The following ATOSA variants were observed in gnomAD, a reference collection of about 807,000 sequenced individuals.
ATOSA encodes the protein atos homolog A.
At chr15:52,680,939 C>T in the ATOSA span, among the ~76,000 whole-genome samples, 1 of 152,178 alleles carries the variant, frequency 6.6e-6, no homozygotes, top group African/African-American at 2.4e-5. Context: ...AAATTTAGCA[C>T]AACAGCTGGG....
At chr15:52,672,033 G>A in the ATOSA span, among the ~76,000 whole-genome samples, 1 of 151,564 alleles carries the variant, frequency 6.6e-6, no homozygotes, top group South Asian at 2.1e-4. Flanking sequence ...ATTCCATCCT[G>A]TTTTACTTTA....
At chr15:52,670,816 A>G in the ATOSA span, among the ~76,000 whole-genome samples, 1 of 152,166 alleles carries the variant, frequency 6.6e-6, no homozygotes, top group Non-Finnish European at 1.5e-5. Context: ...ATGGCTTACT[A>G]TGTTCTTTGA....
the ATOSA span, chr15:52,587,376 C>T: frequency 6.7e-6 from 4 of 599,046 alleles, no homozygotes; most frequent in Admixed American, 3.4e-5. Context: ...TATGTTTCTA[C>T]CCCTAAGGAA....
chr15:52,682,375 T>C, the ATOSA span, among the ~76,000 whole-genome samples: 7 of 152,084 alleles, frequency 4.6e-5, no homozygotes, highest in Non-Finnish European at 8.8e-5. Context: ...ATGAGGTGGA[T>C]TATTAGGGTA....
At chr15:52,636,343 A>G in the ATOSA span, among the ~76,000 whole-genome samples, 2 of 152,122 alleles carry the variant, frequency 1.3e-5, no homozygotes, top group Non-Finnish European at 2.9e-5. Flanking sequence ...GAGGTTACCA[A>G]GTGCTATGGG....
the ATOSA span, among the ~76,000 whole-genome samples, chr15:52,602,420 ATTCTT>A: frequency 1.1e-4 from 17 of 151,998 alleles, no homozygotes; most frequent in African/African-American, 3.9e-4. Flanking sequence ...GCTCCTGCTG[ATTCTT>A]TTAAGGTGCT....
chr15:52,618,053 T>TG, the ATOSA span, among the ~76,000 whole-genome samples: 1 of 151,272 alleles, frequency 6.6e-6, no homozygotes, highest in Non-Finnish European at 1.5e-5. Flanking sequence ...TTTCCTTTTT[T>TG]TTTGAGATGG....
At chr15:52,661,859 G>A in the ATOSA span, among the ~76,000 whole-genome samples, 7 of 125,792 alleles carry the variant, frequency 5.6e-5, no homozygotes, top group East Asian at 1.6e-3. Context: ...GCCAACTTAA[G>A]AAGGACACAC....
chr15:52,592,482 A>G, the ATOSA span, among the ~76,000 whole-genome samples: 1 of 152,196 alleles, frequency 6.6e-6, no homozygotes, highest in African/African-American at 2.4e-5. Context: ...ATGAATGCTT[A>G]TATTATCCAC....
the ATOSA span, among the ~76,000 whole-genome samples, chr15:52,663,837 G>A: frequency 6.6e-6 from 1 of 151,898 alleles, no homozygotes; most frequent in Admixed American, 6.6e-5. Context: ...TGTCACCCAG[G>A]CTCATCTTGA....
chr15:52,661,948 A>C, the ATOSA span, among the ~76,000 whole-genome samples: 2 of 151,406 alleles, frequency 1.3e-5, no homozygotes, highest in Non-Finnish European at 1.5e-5. Context: ...AAAAAAAAAA[A>C]AAAACAGCAA....
the ATOSA span, among the ~76,000 whole-genome samples, chr15:52,669,796 T>C: frequency 5.5e-3 from 832 of 152,342 alleles, 2 homozygotes; most frequent in Admixed American, 9.0e-3. Context: ...AAAGGTTTCT[T>C]AACCTATAAT....
the ATOSA span, among the ~76,000 whole-genome samples, chr15:52,672,172 C>CAAAAAAAAAAAAAAAAAAAA: frequency 5.4e-4 from 34 of 62,582 alleles, 3 homozygotes; most frequent in African/African-American, 2.3e-3. Context: ...CCCCATTTCT[C>CAAAAAAAAAAAAAAAAAAAA]AAAAAAAAAA....
At chr15:52,612,426 A>G in the ATOSA span, among the ~76,000 whole-genome samples, 4 of 152,106 alleles carry the variant, frequency 2.6e-5, no homozygotes, top group African/African-American at 9.7e-5. Flanking sequence ...ATCATTTCAC[A>G]GGAAAGATTA....
chr15:52,684,299 C>A, the ATOSA span, among the ~76,000 whole-genome samples: 7,593 of 152,206 alleles, frequency 0.05, 310 homozygotes, highest in East Asian at 0.21. Flanking sequence ...CTTTAGGAGG[C>A]CCAGGTGGGA....
chr15:52,638,347 A>G, the ATOSA span, among the ~76,000 whole-genome samples: 12 of 152,178 alleles, frequency 7.9e-5, no homozygotes, highest in Non-Finnish European at 1.3e-4. Context: ...GAAAAAATAC[A>G]TATCCTATTC....
chr15:52,669,981 C>A, the ATOSA span, among the ~76,000 whole-genome samples: 4 of 152,178 alleles, frequency 2.6e-5, no homozygotes, highest in Non-Finnish European at 5.9e-5. Flanking sequence ...CCCACCTCTG[C>A]CTCACTCTCT....
chr15:52,609,604 G>C, the ATOSA span: 1 of 1,612,800 alleles, frequency 6.2e-7, no homozygotes, highest in Non-Finnish European at 8.5e-7. Context: ...GGTGTCTTCT[G>C]GGGAACTAAA....
chr15:52,662,870 TA>T, the ATOSA span, among the ~76,000 whole-genome samples: 1 of 151,668 alleles, frequency 6.6e-6, no homozygotes, highest in Non-Finnish European at 1.5e-5. Context: ...TCATATATTA[TA>T]AACAAAGAAT....
Sources: allele counts gnomAD v4.1 joint callset (sites outside exome capture counted in the v4.1 genomes callset), GRCh38; gene constraint gnomAD v4.1.1; transcripts MANE v1.5; gene names NCBI Gene and HGNC (gene_info 2026-07-23, HGNC 2026-07-21).